The following CC2D2B variants were observed in gnomAD, a reference collection of about 807,000 sequenced individuals.
CC2D2B encodes protein CC2D2B.
A neutral mutation model predicts 161.2 loss-of-function variants in CC2D2B; 128 were observed. The ratio of observed to expected loss-of-function variants is 0.79; its 90% CI spans 0.69 to 0.92. The LOEUF (loss-of-function observed/expected upper bound fraction) is 0.92, where lower values mean the gene tolerates loss of function less well. Among genes scored for constraint, CC2D2B ranks in the 40% least tolerant of loss-of-function variants. The pLI, the probability that CC2D2B is intolerant of heterozygous loss-of-function variation, is 0.00. For missense variants in CC2D2B, 1,173 were observed against 1,375.1 expected (o/e 0.85, Z 2.32); for synonymous variants, 391 against 449.8 (o/e 0.87, Z 1.65).
chr10:96,012,934 G>A (rs1240099210), intron 28 of CC2D2B, among the ~76,000 whole-genome samples: 6 of 152,130 alleles, frequency 3.9e-5, no homozygotes, highest in Non-Finnish European at 7.4e-5. Flanking sequence ...TTGCTACACC[G>A]CTTTTCCATC....
At chr10:95,923,131 T>C (rs945771635) in intron 3 of CC2D2B, among the ~76,000 whole-genome samples, 6 of 152,154 alleles carry the variant, frequency 3.9e-5, no homozygotes, top group African/African-American at 1.4e-4. Context: ...TTTGTATTTT[T>C]AGTAGAGATG....
chr10:95,992,604 T>G lies in CC2D2B; in HGVS notation c.2549T>G (p.Val850Gly), dbSNP rs1373657930. Residue 850 changes from valine (V) to glycine (G), a missense_variant, in exon 22 of 35, where the codon GTC becomes GGC. Val to Gly is a moderately radical substitution (Grantham distance 109). Transcript: ENST00000646931. Reference protein sequence around the residue: ...LKPQRKERKKVTAQAISDGDI... With the variant: ...LKPQRKERKKGTAQAISDGDI... ...CCTCAGAGGAAAGAAAGGAAAAAAG[T>G]CACAGCGCAGGCGATCTCTGACGGA... 8.1e-7 allele frequency: 1 copy of G among 1,234,100 alleles called. No individual in the cohort carries two copies. The highest frequency in any genetic ancestry group is 1.0e-6 in the Non-Finnish European group (1 of 988,084). The allele number at this position is 1,234,100 out of a possible 1,614,324, so 76.4% of individuals were successfully genotyped here. A position where few individuals can be genotyped will look rare whatever the true frequency, so the allele number is the denominator to read the frequency against.
At chr10:95,940,406 A>G (rs1344284256) in intron 9 of CC2D2B, among the ~76,000 whole-genome samples, 1 of 152,120 alleles carries the variant, frequency 6.6e-6, no homozygotes, top group Non-Finnish European at 1.5e-5. Context: ...ATGTAGTATA[A>G]TTTACCATTT....
chr10:96,007,259 T>C (rs1181569829), intron 25 of CC2D2B, among the ~76,000 whole-genome samples: 1 of 152,190 alleles, frequency 6.6e-6, no homozygotes, highest in Non-Finnish European at 1.5e-5. Flanking sequence ...CTCCCACTTA[T>C]AAGTGAGAGC....
At chr10:95,946,201 C>T (rs2076193226) in intron 9 of CC2D2B, among the ~76,000 whole-genome samples, 1 of 152,230 alleles carries the variant, frequency 6.6e-6, no homozygotes, top group African/African-American at 2.4e-5. Context: ...TGTGACACCT[C>T]CTCAAATGTT....
At chr10:95,950,321 T>C (rs75801526) in intron 10 of CC2D2B, 5,041 of 349,380 alleles carry the variant, frequency 0.014, 54 homozygotes, top group Non-Finnish European at 0.018. Context: ...GGTTTACTAA[T>C]CAATGGTATT....
intron 4 of CC2D2B, among the ~76,000 whole-genome samples, 170 bp from the exon 5 acceptor site, chr10:95,924,609 A>G (rs1010122110): frequency 3.3e-5 from 5 of 152,190 alleles, no homozygotes; most frequent in African/African-American, 7.2e-5. Context: ...TGATTTGGTC[A>G]TAGTAATTAT....
chr10:95,973,162 G>T (rs1474436084), intron 16 of CC2D2B, among the ~76,000 whole-genome samples: 1 of 151,918 alleles, frequency 6.6e-6, no homozygotes, highest in East Asian at 1.9e-4. Context: ...GGGGGAAATG[G>T]GCAGAGAACG....
At chr10:95,969,608 T>C (rs941200130) in intron 15 of CC2D2B, among the ~76,000 whole-genome samples, 3 of 152,070 alleles carry the variant, frequency 2.0e-5, no homozygotes, top group Non-Finnish European at 4.4e-5. Context: ...TAAATCACAA[T>C]TATTTTTATA....
chr10:96,003,585 A>AG (rs2078612454), intron 24 of CC2D2B, among the ~76,000 whole-genome samples: 1 of 46,510 alleles, frequency 2.2e-5, no homozygotes, highest in Non-Finnish European at 4.4e-5. Context: ...GGCCCGGCTA[A>AG]TTGTGTGTGT....
At position 96,012,384 on chromosome 10, in the gene CC2D2B, A is replaced by C; in HGVS notation, c.3228+17A>C. On this transcript the variant is annotated intron_variant, in intron 27 of 34. Transcript: ENST00000646931. The stretch of plus-strand genomic sequence containing the variant: ...CTAGATAAGGTAGGTTTTACATTGA[A>C]TTTCTTTTATATATACCATCAAAGA... 1.5e-6 allele frequency: 1 copy of C among 683,338 alleles called. No individual in the cohort carries two copies. The highest frequency in any genetic ancestry group is 2.6e-6 in the Non-Finnish European group (1 of 385,456). 42.3% of individuals were successfully genotyped at this position (683,338 alleles called of 1,614,324 possible).
intron 22 of CC2D2B, among the ~76,000 whole-genome samples, chr10:95,993,851 TAGAG>T (rs60372025): frequency 0.058 from 5,690 of 97,842 alleles, 313 homozygotes; most frequent in East Asian, 0.38. Context: ...TATATATATA[TAGAG>T]AGAGAGAGAG....
intron 6 of CC2D2B, among the ~76,000 whole-genome samples, chr10:95,937,632 GGGTCACAT>G (rs2075873467): frequency 6.6e-6 from 1 of 151,724 alleles, no homozygotes; most frequent in Non-Finnish European, 1.5e-5. Flanking sequence ...AAAGGATTTA[GGGTCACAT>G]GGTCTGGTAT....
chr10:96,029,073 T>C (rs1371886495), intron 34 of CC2D2B, among the ~76,000 whole-genome samples: 1 of 151,642 alleles, frequency 6.6e-6, no homozygotes, highest in East Asian at 1.9e-4. Flanking sequence ...AGGGTAACTA[T>C]AGTCAATCAT....
At chr10:95,980,098 A>G (rs1429737476) in intron 17 of CC2D2B, among the ~76,000 whole-genome samples, 2 of 151,472 alleles carry the variant, frequency 1.3e-5, no homozygotes, top group African/African-American at 2.4e-5. Flanking sequence ...AGAGTTTCCC[A>G]TGCCTTTTAT....
intron 12 of CC2D2B, among the ~76,000 whole-genome samples, chr10:95,963,987 G>GC (rs1310487267): frequency 6.6e-6 from 1 of 152,096 alleles, no homozygotes. Flanking sequence ...ATTTTCTTCT[G>GC]CCCCTGAACC....
At chr10:95,988,163 T>C (rs1417022205) in intron 19 of CC2D2B, 87 bp from the exon 20 acceptor site, 1 of 441,678 alleles carries the variant, frequency 2.3e-6, no homozygotes, top group Non-Finnish European at 3.7e-6. Context: ...ACACATGGAC[T>C]GAAGTGACTA....
chr10:95,991,847 A>G (rs949868757), intron 21 of CC2D2B, among the ~76,000 whole-genome samples: 1 of 152,216 alleles, frequency 6.6e-6, no homozygotes, highest in Non-Finnish European at 1.5e-5. Context: ...TTTGCAAAAC[A>G]GAGAATCCTC....
At chr10:96,022,129 C>A (rs940220072) in intron 32 of CC2D2B, among the ~76,000 whole-genome samples, 4 of 152,004 alleles carry the variant, frequency 2.6e-5, no homozygotes, top group Non-Finnish European at 4.4e-5. Flanking sequence ...ACCAGCCTGG[C>A]CAACATGATG....
Sources: gnomAD v4.1 joint callset for allele counts (sites outside exome capture counted in the v4.1 genomes callset) on GRCh38, gnomAD v4.1.1 for gene constraint, MANE v1.5 for transcripts, NCBI Gene and HGNC (gene_info 2026-07-23, HGNC 2026-07-21) for gene names.